The following SOX5 variants were observed in gnomAD, a reference collection of about 807,000 sequenced individuals.
SOX5 encodes the protein SRY-box transcription factor 5, also known as transcription factor SOX-5.
A neutral mutation model predicts 92.0 loss-of-function variants in SOX5; 9 were observed. The ratio of observed to expected loss-of-function variants is 0.10; its 90% CI spans 0.06 to 0.17. The LOEUF is 0.17. Among genes scored for constraint, SOX5 ranks in the 10% least tolerant of loss-of-function variants. The pLI is 1.00. For synonymous variants in SOX5, 344 were observed against 336.3 expected (o/e 1.02, Z -0.25); for missense variants, 642 against 944.5 (o/e 0.68, Z 4.20).
At chr12:23,630,054 G>A (rs1188475276) in intron 8 of SOX5, among the ~76,000 whole-genome samples, 1 of 151,724 alleles carries the variant, frequency 6.6e-6, no homozygotes, top group Non-Finnish European at 1.5e-5. Flanking sequence ...CTATTACCTA[G>A]GAAATAAATA....
chr12:23,900,455 G>T (rs989544368), intron 1 of SOX5, among the ~76,000 whole-genome samples: 5 of 152,130 alleles, frequency 3.3e-5, no homozygotes, highest in South Asian at 2.1e-4. Flanking sequence ...TAGTGGTAGG[G>T]TAGAAGGTGT....
intron 4 of SOX5, among the ~76,000 whole-genome samples, chr12:24,127,227 C>CA (rs2138423536): frequency 6.6e-6 from 1 of 151,326 alleles, no homozygotes; most frequent in African/African-American, 2.4e-5. Flanking sequence ...CCTGTCTCTA[C>CA]AAAAAATACA....
chr12:24,143,232 C>T (rs1950757529), intron 4 of SOX5, among the ~76,000 whole-genome samples: 3 of 152,178 alleles, frequency 2.0e-5, no homozygotes, highest in South Asian at 4.1e-4. Context: ...AGGAACAAAG[C>T]TCAAGAATAT....
At position 23,534,254 on chromosome 12, in the gene SOX5, C is replaced by A. The variant is rs772457805; in HGVS notation, c.2257G>T (p.Asp753Tyr). 1 of 1,614,156 alleles carries A rather than the reference C, an allele frequency of 6.2e-7. No homozygotes were observed. Among genetic ancestry groups the A allele is most frequent in the Non-Finnish European group, 8.5e-7 (1 of 1,179,992 alleles). Residue 753 changes from aspartate (D) to tyrosine (Y), a missense_variant, in exon 15 of 15, where the codon GAC (aspartate) becomes TAC (tyrosine). This residue lies in a region of SOX5 where 130 missense variants were observed against 140.6 expected (regional missense o/e 0.92). Transcript: ENST00000451604. ...EDDPDVDYGS[D>Y]SENHIAGQAN ...TGTCCTGCAATATGGTTTTCACTGT[C>A]ACTCCCATAATCTACATCTGGATCA...
At chr12:23,726,105 A>G (rs2093098284) in intron 6 of SOX5, among the ~76,000 whole-genome samples, 1 of 146,102 alleles carries the variant, frequency 6.8e-6, no homozygotes, top group African/African-American at 2.5e-5. Context: ...ATGGTGTTAA[A>G]TACATACATC....
intron 3 of SOX5, among the ~76,000 whole-genome samples, chr12:24,273,069 C>T (rs538083089): frequency 6.6e-6 from 1 of 152,130 alleles, no homozygotes; most frequent in African/African-American, 2.4e-5. Context: ...CCCGTCTCTA[C>T]TAAAAGTATA....
Position 23,534,421 on chromosome 12 carries a change from C to T in SOX5, c.2090G>A (p.Ser697Asn). The T allele has an allele frequency of 6.2e-7, 1 of 1,614,114 alleles. No homozygotes were observed. ...PSPHLPSEHS[S>N]VSSSPEPGMP... is the part of the protein sequence containing the mutation. Reference sequence around the variant, plus strand: ...CCCAGGCTCTGGGCTGCTAGACACGCTTGAGTGCTCCGAGGGCAGGTGAGG... The same window carrying T: ...CCCAGGCTCTGGGCTGCTAGACACGTTTGAGTGCTCCGAGGGCAGGTGAGG... Residue 697 changes from serine (S) to asparagine (N), a missense_variant, in exon 15 of 15, where the codon AGC (serine) becomes AAC (asparagine). Around this residue, in one of 8 missense-constraint regions of SOX5, gnomAD observed 130 missense variants for 140.6 expected, o/e 0.92. Coordinates refer to ENST00000451604, the MANE Select transcript of SOX5 (RefSeq NM_006940.6).
At chr12:24,120,773 A>T (rs1948529561) in intron 4 of SOX5, among the ~76,000 whole-genome samples, 1 of 152,214 alleles carries the variant, frequency 6.6e-6, no homozygotes, top group Non-Finnish European at 1.5e-5. Context: ...CAAGGACCTG[A>T]TCTGATCATG....
intron 3 of SOX5, among the ~76,000 whole-genome samples, chr12:23,759,102 G>A (rs536168791): frequency 8.6e-5 from 13 of 150,358 alleles, no homozygotes; most frequent in East Asian, 2.0e-4. Flanking sequence ...GTTCTGGATC[G>A]TAGGAAAAAT....
chr12:23,923,296 T>TGAAC (rs1938990759), intron 1 of SOX5, among the ~76,000 whole-genome samples: 1 of 129,480 alleles, frequency 7.7e-6, no homozygotes, highest in African/African-American at 3.5e-5. Flanking sequence ...CAAAAATAAA[T>TGAAC]GAATGAATGA....
At chr12:23,660,265 AAATAACAT>A in intron 7 of SOX5, among the ~76,000 whole-genome samples, 1 of 152,250 alleles carries the variant, frequency 6.6e-6, no homozygotes, top group East Asian at 1.9e-4. Flanking sequence ...TATCACTTGT[AAATAACAT>A]AATAAGACAG....
intron 9 of SOX5, among the ~76,000 whole-genome samples, chr12:23,601,699 A>G (rs1179138522): frequency 6.6e-6 from 1 of 152,234 alleles, no homozygotes; most frequent in Non-Finnish European, 1.5e-5. Flanking sequence ...CGTCAATTCC[A>G]GGCTACAAGA....
chr12:23,712,709 CTG>C (rs1419096124), intron 6 of SOX5, among the ~76,000 whole-genome samples: 1 of 152,182 alleles, frequency 6.6e-6, no homozygotes, highest in Non-Finnish European at 1.5e-5. Context: ...AATAATAATA[CTG>C]TGTCTTTATA....
intron 3 of SOX5, among the ~76,000 whole-genome samples, chr12:24,271,370 A>G (rs1943713766): frequency 6.6e-6 from 1 of 152,192 alleles, no homozygotes; most frequent in Non-Finnish European, 1.5e-5. Flanking sequence ...CTACTGGACT[A>G]TGTGAACTTT....
At chr12:23,966,203 CAAAAAAAAAAAAAAAAAAAAAAA>C (rs869143890) in intron 4 of SOX5, among the ~76,000 whole-genome samples, 46 of 57,338 alleles carry the variant, frequency 8.0e-4, no homozygotes, top group East Asian at 2.3e-3. Context: ...ACTCAATATC[CAAAAAAAAAAAAAAAAAAAAAAA>C]AAAAAAAAAA....
At chr12:24,277,246 C>T (rs1420751507) in exon 3 of SOX5, 19 of 151,532 alleles carry the variant, frequency 1.3e-4, no homozygotes. Context: ...TGCCAGAATT[C>T]TCTGTTCAGC....
upstream of SOX5, chr12:23,950,977 GCA>G (rs35800209): frequency 0.46 from 279,972 of 609,638 alleles, 31,719 homozygotes; most frequent in Non-Finnish European, 0.5. Context: ...ACACACGCAT[GCA>G]CACACACACA....
At chr12:24,218,544 A>T (rs943274745) in intron 3 of SOX5, among the ~76,000 whole-genome samples, 2 of 152,146 alleles carry the variant, frequency 1.3e-5, no homozygotes, top group Non-Finnish European at 2.9e-5. Flanking sequence ...GAAATATTTT[A>T]AAATTGGGTA....
At chr12:23,715,074 C>A (rs552709292) in intron 6 of SOX5, among the ~76,000 whole-genome samples, 1 of 151,892 alleles carries the variant, frequency 6.6e-6, no homozygotes, top group Non-Finnish European at 1.5e-5. Context: ...CCGAGGCGGG[C>A]GGATCACGAG....
Sources: gnomAD v4.1 joint callset for allele counts (sites outside exome capture counted in the v4.1 genomes callset) on GRCh38, gnomAD v4.1.1 for gene constraint, gnomAD v4.1.1 regional missense constraint, MANE v1.5 for transcripts, NCBI Gene and HGNC (gene_info 2026-07-23, HGNC 2026-07-21) for gene names.